Variants in DHRS3 observed in about 807,000 individuals in gnomAD.
DHRS3 encodes the protein short-chain dehydrogenase/reductase 3.
Under a neutral mutation model 27.2 loss-of-function variants are expected in DHRS3, and 14 were observed. The observed-to-expected ratio is 0.52, with a 90% CI of 0.34 to 0.81. DHRS3 has a LOEUF of 0.81. DHRS3 is among the 30% of genes least tolerant of loss of function. DHRS3 has a pLI of 0.01. For missense variants in DHRS3, 322 were observed against 406.2 expected, an observed-to-expected ratio of 0.79 and a Z score of 1.78; for synonymous variants, 165 against 175.9, an observed-to-expected ratio of 0.94 and a Z score of 0.49.
At chr1:12,590,532 A>G (rs1646736835) in intron 1 of DHRS3, among the ~76,000 whole-genome samples, 1 of 151,498 alleles carries the variant, frequency 6.6e-6, no homozygotes, top group Non-Finnish European at 1.5e-5. Flanking sequence ...CTGGTCTCGA[A>G]CTCCTGACCT....
intron 5 of DHRS3, among the ~76,000 whole-genome samples, chr1:12,570,876 G>C (rs1476939904): frequency 6.6e-6 from 1 of 152,242 alleles, no homozygotes; most frequent in East Asian, 1.9e-4. Context: ...CTCTGAAAGG[G>C]CTTTGAGTTT....
intron 1 of DHRS3, among the ~76,000 whole-genome samples, chr1:12,603,672 T>C (rs1646850793): frequency 6.6e-6 from 1 of 152,140 alleles, no homozygotes; most frequent in Non-Finnish European, 1.5e-5. Flanking sequence ...GGAGACCGTG[T>C]TCCCTAGGAG....
chr1:12,583,898 C>T (rs1646669450), intron 1 of DHRS3, among the ~76,000 whole-genome samples: 1 of 151,974 alleles, frequency 6.6e-6, no homozygotes, highest in Non-Finnish European at 1.5e-5. Context: ...TCCATTTACT[C>T]ACCTGCCCAA....
Position 12,578,572 on chromosome 1 carries a change from G to T in DHRS3, c.698+146C>A. On this transcript the variant is annotated intron_variant, in intron 4 of 5. Coordinates refer to ENST00000616661, the MANE Select transcript of DHRS3 (RefSeq NM_004753.7). This position sits in a 1 kb window ranked among gnomAD's most constrained non-coding sequence, Gnocchi z 4.5. ...GGGCTCAAGCGATCCACCTGCCTTGGCTTCCCAAAATGCTAGGATTATAGG... is the reference window on the plus strand; with the variant it reads ...GGGCTCAAGCGATCCACCTGCCTTGTCTTCCCAAAATGCTAGGATTATAGG... 1 of 781,596 alleles carries T rather than the reference G, an allele frequency of 1.3e-6. No homozygotes were observed. Among genetic ancestry groups the T allele is most frequent in the Non-Finnish European group, 2.1e-6 (1 of 479,560 alleles). 48.4% of individuals were successfully genotyped at this position (781,596 alleles called of 1,614,324 possible).
intron 1 of DHRS3, among the ~76,000 whole-genome samples, chr1:12,602,862 T>G (rs1244869806): frequency 6.6e-6 from 1 of 152,268 alleles, no homozygotes; most frequent in Non-Finnish European, 1.5e-5. Context: ...ATGAGTGCTC[T>G]GGCCGGAGCC....
chr1:12,582,494 C>T (rs1646652693), intron 1 of DHRS3, among the ~76,000 whole-genome samples: 1 of 152,184 alleles, frequency 6.6e-6, no homozygotes, highest in African/African-American at 2.4e-5. Flanking sequence ...CCTTCAAAGG[C>T]AGATGGACTG....
intron 1 of DHRS3, among the ~76,000 whole-genome samples, chr1:12,604,579 C>T (rs956236596): frequency 2.0e-5 from 3 of 152,168 alleles, no homozygotes; most frequent in Admixed American, 6.5e-5. Flanking sequence ...TGTACTAAGC[C>T]CCATTACTTA....
At chr1:12,605,263 T>C (rs1278199368) in intron 1 of DHRS3, among the ~76,000 whole-genome samples, 2 of 152,200 alleles carry the variant, frequency 1.3e-5, no homozygotes, top group African/African-American at 2.4e-5. Context: ...ACCACGGTTA[T>C]GTACAGTATC....
chr1:12,602,004 A>T (rs960040682), intron 1 of DHRS3, among the ~76,000 whole-genome samples: 2 of 152,206 alleles, frequency 1.3e-5, no homozygotes, highest in African/African-American at 4.8e-5. Context: ...TGTGGGCCAG[A>T]TACTGTGCCA....
In DHRS3 at chr1:12,592,783, G is replaced by A. The variant is rs116874835; in HGVS notation, c.196-12117C>T. 2.4e-3 allele frequency among the ~76,000 whole-genome samples: 367 copies of A among 152,310 alleles called. 5 individuals carry two copies. In the East Asian group the frequency reaches 0.043, roughly 18 times the overall value. On this transcript the variant is annotated intron_variant, in intron 1 of 5. Transcript: ENST00000616661. This position sits in a 1 kb window ranked among gnomAD's most constrained non-coding sequence, Gnocchi z 4.2. ...CAGGCTCCCGAGGCTGGGAAGTGAC[G>A]GAGGCTGCTTCCCCTCCACACCACT...
At chr1:12,569,223 T>TCACA (rs779404982) in intron 5 of DHRS3, among the ~76,000 whole-genome samples, 4 of 120,182 alleles carry the variant, frequency 3.3e-5, no homozygotes, top group South Asian at 2.7e-4. Flanking sequence ...GTCCCCTCTC[T>TCACA]CTCTCTCTCA....
rs867522400 is a variant in DHRS3, at chr1:12,592,243, C to T, written c.196-11577G>A. 1.1e-4 allele frequency among the ~76,000 whole-genome samples: 17 copies of T among 152,272 alleles called. No individual in the cohort carries two copies. Among genetic ancestry groups the T allele is most frequent in the Middle Eastern group, 6.8e-3 (2 of 294 alleles). On this transcript the variant is annotated intron_variant, in intron 1 of 5. Transcript: ENST00000616661. The surrounding 1 kb of genome is among the most constrained non-coding windows in gnomAD (Gnocchi z 4.2). ...CTCGGCTGCCCGGATGTGGTACAGT[C>T]GGCTGATTAGTGTCCCCTGAGAAGC...
chr1:12,583,323 TCATCCATCCATC>T (rs533930418), intron 1 of DHRS3, among the ~76,000 whole-genome samples: 2 of 126,506 alleles, frequency 1.6e-5, no homozygotes, highest in Non-Finnish European at 1.7e-5. Flanking sequence ...CCTACTCCAT[TCATCCATCCATC>T]CATCCATCCA....
intron 1 of DHRS3, among the ~76,000 whole-genome samples, chr1:12,604,802 G>A (rs569344388): frequency 2.2e-4 from 34 of 152,282 alleles, no homozygotes; most frequent in Admixed American, 1.4e-3. Flanking sequence ...TGTAATCCCC[G>A]CACTTTGGGA....
Position 12,594,958 on chromosome 1 carries a change from G to T in DHRS3, c.196-14292C>A, listed in dbSNP as rs1014563392. Among the ~76,000 whole-genome samples the T allele has an allele frequency of 2.0e-5, 3 of 152,196 alleles. No homozygotes were observed. Among genetic ancestry groups the T allele is most frequent in the African/African-American group, 7.2e-5 (3 of 41,444 alleles). ...CCAGAGCGTTTGGCCTGAGAAAATG[G>T]AAGAATGAGGTTGCCGTTCCCTGAG... On this transcript the variant is annotated intron_variant, in intron 1 of 5. Transcript: ENST00000616661. The surrounding 1 kb of genome is among the most constrained non-coding windows in gnomAD (Gnocchi z 4.1).
At chr1:12,587,992 C>A (rs889141042) in intron 1 of DHRS3, among the ~76,000 whole-genome samples, 1 of 152,244 alleles carries the variant, frequency 6.6e-6, no homozygotes, top group Non-Finnish European at 1.5e-5. Context: ...TCCACTCACT[C>A]ATTACACAGT....
intron 1 of DHRS3, chr1:12,595,943 C>T (rs1448256164): frequency 6.6e-6 from 1 of 152,196 alleles, no homozygotes; most frequent in Non-Finnish European, 1.5e-5. Context: ...CTTGCCCAGA[C>T]CCGTCGGTAA....
intron 1 of DHRS3, among the ~76,000 whole-genome samples, chr1:12,613,224 G>A (rs1216226329): frequency 2.0e-5 from 3 of 152,140 alleles, no homozygotes; most frequent in African/African-American, 7.2e-5. Context: ...CTTTTGAGTG[G>A]AGAGGAACCC....
intron 1 of DHRS3, among the ~76,000 whole-genome samples, chr1:12,609,336 C>T (rs12027375): frequency 0.18 from 27,342 of 151,958 alleles, 2,659 homozygotes; most frequent in East Asian, 0.36. Flanking sequence ...GTCACTTCCT[C>T]ACCTAAGTTA....
Sources: allele counts gnomAD v4.1 joint callset (sites outside exome capture counted in the v4.1 genomes callset), GRCh38; gene constraint gnomAD v4.1.1; non-coding constraint Gnocchi (gnomAD v3.1); transcripts MANE v1.5; gene names NCBI Gene and HGNC (gene_info 2026-07-23, HGNC 2026-07-21).